PRCP: variants seen among roughly 807,000 people sequenced by gnomAD.
The protein encoded by PRCP is lysosomal Pro-X carboxypeptidase.
A neutral mutation model predicts 54.2 loss-of-function variants in PRCP; 46 were observed. The ratio of observed to expected loss-of-function variants is 0.85; its 90% confidence interval spans 0.67 to 1.09. PRCP has a LOEUF of 1.09. Ranked by LOEUF, PRCP falls within the 50% of genes least tolerant of loss-of-function variation. The pLI, the probability that PRCP is intolerant of heterozygous loss-of-function variation, is 0.00. For missense variants in PRCP, 613 were observed against 596.8 expected, an observed-to-expected ratio of 1.03 and a Z score of -0.28; for synonymous variants, 240 against 212.2, an observed-to-expected ratio of 1.13 and a Z score of -1.14.
At chr11:82,839,645 A>G in intron 6 of PRCP, 1 of 540,496 alleles carries the variant, frequency 1.9e-6, no homozygotes, top group Non-Finnish European at 3.2e-6. Context: ...AGTCATTTGC[A>G]TGGTATGCAA....
At chr11:82,867,949 C>T (rs193098976) in intron 1 of PRCP, among the ~76,000 whole-genome samples, 72 of 152,190 alleles carry the variant, frequency 4.7e-4, no homozygotes, top group Non-Finnish European at 7.8e-4. Context: ...GATCTCAAGT[C>T]CAAACTCTTG....
upstream of PRCP, chr11:82,900,590 TC>T (rs1220098618): frequency 1.3e-6 from 1 of 772,546 alleles, no homozygotes. Flanking sequence ...TCCGCCCCCA[TC>T]CCCGAGGACA....
chr11:82,842,707 A>C (rs924889720), intron 6 of PRCP, among the ~76,000 whole-genome samples: 1 of 152,208 alleles, frequency 6.6e-6, no homozygotes, highest in Non-Finnish European at 1.5e-5. Flanking sequence ...TGCCTTATAG[A>C]AAGGAAGTGC....
chr11:82,892,302 TAA>T (rs1278002462), intron 1 of PRCP, among the ~76,000 whole-genome samples: 12 of 152,130 alleles, frequency 7.9e-5, no homozygotes, highest in African/African-American at 2.9e-4. Context: ...TAATAATAAT[TAA>T]AAAGAGATGT....
At chr11:82,878,421 G>A (rs1859658362) in intron 1 of PRCP, among the ~76,000 whole-genome samples, 1 of 152,162 alleles carries the variant, frequency 6.6e-6, no homozygotes, top group Non-Finnish European at 1.5e-5. Flanking sequence ...ATCTCAACTT[G>A]AATTGTATCT....
At chr11:82,892,844 G>A (rs1330843736) in intron 1 of PRCP, among the ~76,000 whole-genome samples, 4 of 152,186 alleles carry the variant, frequency 2.6e-5, no homozygotes, top group Non-Finnish European at 5.9e-5. Flanking sequence ...ATATAAGTTT[G>A]AGTATATGCA....
In PRCP at chr11:82,849,829, G is replaced by A. The variant is rs906886837; in HGVS notation, c.751+85C>T. ...TATGTACATTATACTTTAACAAAAT[G>A]TTTACTTAAAAAGCGACAACTACTG... On this transcript the variant is annotated intron_variant, in intron 5 of 8. Coordinates refer to ENST00000313010, the MANE Select transcript of PRCP (RefSeq NM_005040.4). The A allele has an allele frequency of 5.4e-5, 64 of 1,188,986 alleles. 1 individual carries two copies. The highest frequency in any genetic ancestry group is 6.9e-5 in the Non-Finnish European group (63 of 910,890). 73.7% of individuals were successfully genotyped at this position (1,188,986 alleles called of 1,614,324 possible). A position where few individuals can be genotyped will look rare whatever the true frequency, so the allele number is the denominator to read the frequency against.
At chr11:82,859,883 G>T in intron 2 of PRCP, 94 bp downstream of exon 2, 1 of 1,226,106 alleles carries the variant, frequency 8.2e-7, no homozygotes, top group Non-Finnish European at 1.1e-6. Context: ...ATTAAGAACA[G>T]CAATGTTTGG....
At chr11:82,842,320 G>A (rs1157458200) in intron 6 of PRCP, among the ~76,000 whole-genome samples, 1 of 152,214 alleles carries the variant, frequency 6.6e-6, no homozygotes, top group Non-Finnish European at 1.5e-5. Context: ...TACACAGAGA[G>A]AACATCATGG....
chr11:82,826,075 C>G (rs1858225737), intron 8 of PRCP: 1 of 152,216 alleles, frequency 6.6e-6, no homozygotes, highest in Non-Finnish European at 1.5e-5. Context: ...TTTTAGAACA[C>G]TTTCGTCACC....
At chr11:82,844,841 A>G (rs574637135) in intron 6 of PRCP, among the ~76,000 whole-genome samples, 13 of 152,174 alleles carry the variant, frequency 8.5e-5, no homozygotes, top group African/African-American at 3.1e-4. Flanking sequence ...CATGTATTCA[A>G]CTAAAAGCTA....
chr11:82,865,105 T>C (rs1859300063), intron 1 of PRCP, among the ~76,000 whole-genome samples: 1 of 152,104 alleles, frequency 6.6e-6, no homozygotes, highest in Non-Finnish European at 1.5e-5. Context: ...CACCCAGTTT[T>C]AAAATAAGAA....
chr11:82,873,301 A>T (rs1466711515), intron 1 of PRCP, among the ~76,000 whole-genome samples: 2 of 152,040 alleles, frequency 1.3e-5, no homozygotes, highest in Non-Finnish European at 2.9e-5. Flanking sequence ...TCGTTTAACA[A>T]CAATCAACAA....
chr11:82,857,134 C>T (rs926768952), intron 2 of PRCP, among the ~76,000 whole-genome samples: 3 of 151,330 alleles, frequency 2.0e-5, no homozygotes. Context: ...TAGGCATTGA[C>T]AACATAAAAG....
At chr11:82,874,228 G>A (rs1348998836) in intron 1 of PRCP, among the ~76,000 whole-genome samples, 1 of 152,182 alleles carries the variant, frequency 6.6e-6, no homozygotes. Flanking sequence ...AGAGTTAGTG[G>A]GATGTGTAAG....
chr11:82,858,629 A>G (rs908989471), intron 2 of PRCP: 14 of 152,224 alleles, frequency 9.2e-5, no homozygotes, highest in African/African-American at 2.9e-4. Context: ...CTACCTGCCT[A>G]TAATACAAGA....
At chr11:82,844,752 A>C (rs1210541601) in intron 6 of PRCP, among the ~76,000 whole-genome samples, 13 of 120,544 alleles carry the variant, frequency 1.1e-4, no homozygotes, top group Middle Eastern at 4.5e-3. Flanking sequence ...AAAAAAAAAG[A>C]AAGAAAGAAA....
intron 6 of PRCP, among the ~76,000 whole-genome samples, chr11:82,843,843 G>A (rs1719984902): frequency 6.6e-6 from 1 of 152,078 alleles, no homozygotes; most frequent in Non-Finnish European, 1.5e-5. Flanking sequence ...TCACAGAAGA[G>A]AAAACAAGCT....
At chr11:82,837,740 C>T (rs1024321426) in intron 8 of PRCP, among the ~76,000 whole-genome samples, 2 of 152,124 alleles carry the variant, frequency 1.3e-5, no homozygotes, top group African/African-American at 2.4e-5. Context: ...GGAGTCTGCT[C>T]AATTAACTCT....
Sources: allele counts gnomAD v4.1 joint callset (sites outside exome capture counted in the v4.1 genomes callset), GRCh38; gene constraint gnomAD v4.1.1; transcripts MANE v1.5; gene names NCBI Gene and HGNC (gene_info 2026-07-23, HGNC 2026-07-21).